The following ZNF618 variants were observed in gnomAD, a reference collection of about 807,000 sequenced individuals.
ZNF618 encodes the protein zinc finger protein 618.
A neutral mutation model predicts 103.0 loss-of-function variants in ZNF618; 34 were observed. That is an observed-to-expected ratio of 0.33 (90% CI 0.25 to 0.44). ZNF618 has a LOEUF of 0.44. Ranked by LOEUF, ZNF618 falls within the 20% of genes least tolerant of loss-of-function variation. ZNF618 has a pLI of 1.00. For missense variants in ZNF618, 1,059 were observed against 1,295.4 expected (o/e 0.82, Z 2.80); for synonymous variants, 551 against 542.2 (o/e 1.02, Z -0.23).
At chr9:113,937,011 TAAC>T (rs1834085548) in intron 1 of ZNF618, among the ~76,000 whole-genome samples, 1 of 152,194 alleles carries the variant, frequency 6.6e-6, no homozygotes, top group Non-Finnish European at 1.5e-5. Context: ...TCACCAGAGG[TAAC>T]AACAATCTAA....
At chr9:113,882,665 G>A (rs1257122547) in intron 1 of ZNF618, among the ~76,000 whole-genome samples, 5 of 152,168 alleles carry the variant, frequency 3.3e-5, no homozygotes, top group Admixed American at 2.6e-4. Context: ...CTTTCATTCC[G>A]GGGCTGCTCT....
chr9:113,954,011 G>T (rs532637391), intron 1 of ZNF618, among the ~76,000 whole-genome samples: 1 of 152,250 alleles, frequency 6.6e-6, no homozygotes, highest in African/African-American at 2.4e-5. Flanking sequence ...GAAGGGGAAG[G>T]GCCCTTCCTT....
intron 10 of ZNF618, among the ~76,000 whole-genome samples, chr9:114,026,396 G>C (rs545145709): frequency 1.3e-5 from 2 of 152,298 alleles, no homozygotes; most frequent in Non-Finnish European, 2.9e-5. Flanking sequence ...AGAGGGGGCT[G>C]TGTGCCTCAG....
chr9:114,028,955 C>T lies in ZNF618; in HGVS notation c.1067C>T (p.Ala356Val), dbSNP rs750394210. ...TFRTPNSGSPASKATAAESAF... is the reference protein window; with the variant it reads ...TFRTPNSGSPVSKATAAESAF... ...CGCACTCCAAATTCGGGATCTCCGG[C>T]GAGCAAGGCAACCGCAGGTACCAAT... Residue 356 changes from alanine to valine, a missense_variant, in exon 11 of 15, where the codon GCG (alanine) becomes GTG (valine). Ala to Val is a moderately conservative substitution (Grantham distance 64, BLOSUM62 0). Transcript: ENST00000374126. 1.7e-5 allele frequency: 26 copies of T among 1,550,424 alleles called. No individual in the cohort carries two copies. The highest frequency in any genetic ancestry group is 9.8e-5 in the East Asian group (4 of 40,936).
chr9:113,956,134 G>A (rs769991584), intron 1 of ZNF618, among the ~76,000 whole-genome samples: 6 of 146,372 alleles, frequency 4.1e-5, no homozygotes, highest in South Asian at 4.4e-4. Flanking sequence ...GCTTGAACCC[G>A]GGAGGCAGAG....
At chr9:113,967,193 T>A (rs1024752528) in intron 1 of ZNF618, among the ~76,000 whole-genome samples, 1 of 152,222 alleles carries the variant, frequency 6.6e-6, no homozygotes, top group Admixed American at 6.5e-5. Flanking sequence ...TTTTAAGATC[T>A]CTGGGGCAGA....
In ZNF618 at chr9:114,003,791, T is replaced by A. The variant is rs376959229; in HGVS notation, c.550+1129T>A. 3.2e-4 allele frequency among the ~76,000 whole-genome samples: 49 copies of A among 152,228 alleles called. 1 individual carries two copies. The East Asian group carries it at 8.1e-3, about 25-fold the overall frequency. On this transcript the variant is annotated intron_variant, in intron 6 of 14. Coordinates refer to ENST00000374126, the MANE Select transcript of ZNF618 (RefSeq NM_001318042.2). ...GTTGAACAAGCTGTGCACTTAGGAT[T>A]TGTACACTGTTCTACACCAGGGGTT...
intron 1 of ZNF618, among the ~76,000 whole-genome samples, chr9:113,951,440 T>TATAC (rs1554732871): frequency 6.8e-5 from 2 of 29,484 alleles, no homozygotes; most frequent in Non-Finnish European, 1.6e-4. Flanking sequence ...TGTATATATA[T>TATAC]ACATATATGT....
At chr9:113,940,838 C>T (rs1450095249) in intron 1 of ZNF618, among the ~76,000 whole-genome samples, 1 of 152,100 alleles carries the variant, frequency 6.6e-6, no homozygotes, top group Non-Finnish European at 1.5e-5. Flanking sequence ...TGTTTTAGCT[C>T]CTGGCCTACC....
intron 3 of ZNF618, among the ~76,000 whole-genome samples, chr9:113,994,928 TA>T (rs77497554): frequency 0.018 from 2,555 of 139,262 alleles, 24 homozygotes; most frequent in East Asian, 0.047. Context: ...GGATATTGTG[TA>T]AAAAAAAAAA....
At chr9:113,972,587 C>T (rs141041428) in intron 2 of ZNF618, among the ~76,000 whole-genome samples, 294 of 152,118 alleles carry the variant, frequency 1.9e-3, no homozygotes, top group Non-Finnish European at 3.3e-3. Flanking sequence ...GTTACAGGAG[C>T]CTGTTTGGGA....
intron 2 of ZNF618, among the ~76,000 whole-genome samples, chr9:113,987,691 T>A (rs1839618062): frequency 2.0e-5 from 3 of 152,170 alleles, no homozygotes. Flanking sequence ...AGAGAGCTTG[T>A]TAGAAATGCA....
At chr9:113,923,078 G>T (rs765339166) in intron 1 of ZNF618, among the ~76,000 whole-genome samples, 14 of 152,128 alleles carry the variant, frequency 9.2e-5, no homozygotes, top group South Asian at 6.2e-4. Context: ...ATGGCATTGT[G>T]TTTTTAATTT....
At chr9:113,941,813 A>C (rs1330189689) in intron 1 of ZNF618, among the ~76,000 whole-genome samples, 2 of 152,340 alleles carry the variant, frequency 1.3e-5, no homozygotes, top group African/African-American at 2.4e-5. Context: ...TTTTGTAATG[A>C]AAATTTCAGC....
intron 9 of ZNF618, among the ~76,000 whole-genome samples, chr9:114,011,105 A>G (rs1307847217): frequency 6.6e-6 from 1 of 152,188 alleles, no homozygotes; most frequent in Admixed American, 6.5e-5. Flanking sequence ...GCCAACCGAA[A>G]TAGGACTCCC....
intron 2 of ZNF618, among the ~76,000 whole-genome samples, chr9:113,975,306 A>G (rs1357593469): frequency 1.3e-5 from 2 of 152,198 alleles, no homozygotes. Context: ...AGTCACCCAG[A>G]TGGTAAAATG....
chr9:113,895,178 T>G (rs1829932603), intron 1 of ZNF618, among the ~76,000 whole-genome samples: 1 of 151,186 alleles, frequency 6.6e-6, no homozygotes, highest in Admixed American at 6.6e-5. Flanking sequence ...GATAGAGGAG[T>G]GATTTTCAAT....
At chr9:113,877,486 A>C (rs1828063444) in intron 1 of ZNF618, among the ~76,000 whole-genome samples, 1 of 152,106 alleles carries the variant, frequency 6.6e-6, no homozygotes, top group African/African-American at 2.4e-5. Flanking sequence ...GAGAAAATAG[A>C]ACCTAAAATG....
At chr9:114,007,775 G>A (rs577875813) in intron 7 of ZNF618, among the ~76,000 whole-genome samples, 22 of 152,280 alleles carry the variant, frequency 1.4e-4, no homozygotes, top group South Asian at 6.2e-4. Context: ...TTTAAAAAAC[G>A]AATGATGGCC....
Sources: allele counts gnomAD v4.1 joint callset (sites outside exome capture counted in the v4.1 genomes callset), GRCh38; gene constraint gnomAD v4.1.1; transcripts MANE v1.5; gene names NCBI Gene and HGNC (gene_info 2026-07-23, HGNC 2026-07-21).